The following YIF1B variants were observed in gnomAD, a reference collection of about 807,000 sequenced individuals.
YIF1B encodes Yip1 interacting factor homolog B, membrane trafficking protein.
Under a neutral mutation model 34.6 loss-of-function variants are expected in YIF1B, and 24 were observed. That is an observed-to-expected ratio of 0.69 (90% CI 0.50 to 0.98). YIF1B has a LOEUF of 0.98. Ranked by LOEUF, YIF1B falls within the 50% of genes least tolerant of loss-of-function variation. The pLI is 0.00. For synonymous variants in YIF1B, 186 were observed against 184.8 expected (o/e 1.01, Z -0.05); for missense variants, 368 against 429.4 (o/e 0.86, Z 1.26).
intron 1 of YIF1B, among the ~76,000 whole-genome samples, chr19:38,310,669 C>A (rs960189265): frequency 6.6e-5 from 10 of 152,118 alleles, no homozygotes; most frequent in Non-Finnish European, 1.5e-4. Flanking sequence ...CTCCTATGCT[C>A]CCCCTCAATG....
In YIF1B at chr19:38,304,024, C is replaced by T; in HGVS notation, c.*1328G>A. 1 of 591,952 alleles carries T rather than the reference C, an allele frequency of 1.7e-6. No homozygotes were observed. Among genetic ancestry groups the T allele is most frequent in the Non-Finnish European group, 3.0e-6 (1 of 335,510 alleles). 36.7% of individuals were successfully genotyped at this position (591,952 alleles called of 1,614,324 possible). A position where few individuals can be genotyped will look rare whatever the true frequency, so the allele number is the denominator to read the frequency against. ...TGCCATCCACAGAGCCCCCCTCAGT[C>T]GGCCTCCCCTGAGGCACCAAGGCTG... On this transcript the variant is annotated 3_prime_UTR_variant, in exon 8 of 8. Coordinates refer to ENST00000339413, the MANE Select transcript of YIF1B (RefSeq NM_001039672.3).
upstream of YIF1B, among the ~76,000 whole-genome samples, chr19:38,318,874 G>T (rs574461708): frequency 6.6e-6 from 1 of 151,506 alleles, no homozygotes; most frequent in Non-Finnish European, 1.5e-5. Context: ...AGAGACTTAC[G>T]GGGGGGCGCA....
chr19:38,307,098 A>C, intron 7 of YIF1B: 1 of 481,756 alleles, frequency 2.1e-6, no homozygotes, highest in Non-Finnish European at 4.1e-6. Context: ...TCCAGTGGGA[A>C]GGGCTCTAGA....
Position 38,304,582 on chromosome 19 carries a change from G to A in YIF1B, c.*770C>T. On this transcript the variant is annotated 3_prime_UTR_variant, in exon 8 of 8. Transcript: ENST00000339413. ...TGCCTTAGGCCTCCAACTTCAGGGG[G>A]CTGGGTAAGGGGCGCCGCCTCACTG... The A allele has an allele frequency of 1.2e-6, 2 of 1,611,574 alleles. No individual in the cohort carries two copies. The highest frequency in any genetic ancestry group is 2.2e-5 in the East Asian group (1 of 44,804).
At chr19:38,314,086 C>T (rs867851159) in intron 1 of YIF1B, among the ~76,000 whole-genome samples, 2 of 152,084 alleles carry the variant, frequency 1.3e-5, no homozygotes, top group South Asian at 2.1e-4. Flanking sequence ...AGTGCAATGG[C>T]GCAATCTTGG....
chr19:38,308,686 G>A (rs1969169170), intron 5 of YIF1B, 106 bp downstream of exon 5: 10 of 1,409,972 alleles, frequency 7.1e-6, no homozygotes, highest in Non-Finnish European at 1.0e-5. Context: ...GGAGCAAAGT[G>A]GGGCTGTCCT....
chr19:38,317,734 G>T (rs1029924333), upstream of YIF1B, among the ~76,000 whole-genome samples: 1 of 151,642 alleles, frequency 6.6e-6, no homozygotes, highest in African/African-American at 2.4e-5. Context: ...GTGTGCCATC[G>T]CACCTGGCTA....
Position 38,304,390 on chromosome 19 carries a change from C to T in YIF1B, c.*962G>A, listed in dbSNP as rs531365851. ...CTCTCCACAGCCCTGGAGCCCACCTCCCAGAAGCCCGGTGTGGGGGCGGGC... is the reference window on the plus strand; with the variant it reads ...CTCTCCACAGCCCTGGAGCCCACCTTCCAGAAGCCCGGTGTGGGGGCGGGC... On this transcript the variant is annotated 3_prime_UTR_variant, in exon 8 of 8. Transcript: ENST00000339413. 8.2e-6 allele frequency: 13 copies of T among 1,578,804 alleles called. No homozygotes were observed. The South Asian group carries it at 1.2e-4, about 14-fold the overall frequency.
At chr19:38,309,180 C>T in intron 3 of YIF1B, 44 bp downstream of exon 3, 3 of 1,607,358 alleles carry the variant, frequency 1.9e-6, no homozygotes, top group Non-Finnish European at 2.6e-6. Context: ...CCCTGAGCCC[C>T]CCACAGGCCC....
chr19:38,305,448 A>G lies in YIF1B; in HGVS notation c.849T>C (p.Arg283=), dbSNP rs750058684. The change falls in exon 8 of 8, where the codon CGT becomes CGC. Residue 283 remains arginine (R), a synonymous_variant. Transcript: ENST00000339413. ...ADAAAEGVPV[R]GARNQLRMYL... ...ACATGCGCAGCTGGTTCCGGGCCCC[A>G]CGCACCGGGACCCCCTCAGCTGCTG... 2 of 1,609,684 alleles carry G rather than the reference A, an allele frequency of 1.2e-6. No individual in the cohort carries two copies. Among genetic ancestry groups the G allele is most frequent in the African/African-American group, 2.7e-5 (2 of 74,888 alleles).
In YIF1B at chr19:38,304,646, A is replaced by C. The variant is rs755675161; in HGVS notation, c.*706T>G. ...CAGCAAGGACACCACAGCTCTTCCGACTCCAGCAGCAGCTCCAGCGATTCG... is the reference window on the plus strand; with the variant it reads ...CAGCAAGGACACCACAGCTCTTCCGCCTCCAGCAGCAGCTCCAGCGATTCG... On this transcript the variant is annotated 3_prime_UTR_variant, in exon 8 of 8. Transcript: ENST00000339413. 6.2e-7 allele frequency: 1 copy of C among 1,613,336 alleles called. No homozygotes were observed. The highest frequency in any genetic ancestry group is 8.5e-7 in the Non-Finnish European group (1 of 1,179,930).
Position 38,307,740 on chromosome 19 carries a change from G to T in YIF1B, c.552C>A (p.Asp184Glu), listed in dbSNP as rs781778945. 8 of 1,612,636 alleles carry T rather than the reference G, an allele frequency of 5.0e-6. No homozygotes were observed. Among genetic ancestry groups the T allele is most frequent in the South Asian group, 3.3e-5 (3 of 91,074 alleles). The change falls in exon 6 of 8, where the codon GAC becomes GAA. Residue 184 changes from aspartate to glutamate, a missense_variant. This residue lies in a region of YIF1B where 208 missense variants were observed against 247.8 expected (regional missense o/e 0.84). Coordinates refer to ENST00000339413, the MANE Select transcript of YIF1B (RefSeq NM_001039672.3). Reference protein sequence around the residue: ...ALGTQDRFSPDLLGLQASSAL... With the variant: ...ALGTQDRFSPELLGLQASSAL... Reference sequence around the variant, plus strand: ...CTGAGCTCGCTTGCAGCCCCAGGAGGTCTGGGGAGAACCTGCAGGCACAAA... The same window carrying T: ...CTGAGCTCGCTTGCAGCCCCAGGAGTTCTGGGGAGAACCTGCAGGCACAAA...
At chr19:38,307,847 C>A in intron 5 of YIF1B, 95 bp from the exon 6 acceptor site, 2 of 1,504,314 alleles carry the variant, frequency 1.3e-6, no homozygotes, top group Non-Finnish European at 1.8e-6. Flanking sequence ...TAGGGCTGGA[C>A]ACCTGGCAGT....
chr19:38,305,537 G>A lies in YIF1B; in HGVS notation c.790-30C>T, dbSNP rs1246202530. ...GTGGGAAAGAGAGAGAGGAACCAAG[G>A]GATTTACCCTTGAGCCCTCTGGGCC... On this transcript the variant is annotated intron_variant, in intron 7 of 7. Coordinates refer to ENST00000339413, the MANE Select transcript of YIF1B (RefSeq NM_001039672.3). 6 of 1,583,854 alleles carry A rather than the reference G, an allele frequency of 3.8e-6. 1 individual carries two copies. The East Asian group carries it at 1.1e-4, about 30-fold the overall frequency.
In YIF1B at chr19:38,309,470, A is replaced by T; in HGVS notation, c.232T>A (p.Ser78Thr). 1 of 1,613,970 alleles carries T rather than the reference A, an allele frequency of 6.2e-7. No individual in the cohort carries two copies. Among genetic ancestry groups the T allele is most frequent in the Non-Finnish European group, 8.5e-7 (1 of 1,179,980 alleles). ...CTCCCATAGGCCATGGCCATGTTGG[A>T]CACCGGGTCAGCCAGGAAGGCTGCA... Reference protein sequence around the residue: ...PHAAFLADPVSNMAMAYGSSL... With the variant: ...PHAAFLADPVTNMAMAYGSSL... Residue 78 changes from serine (S) to threonine (T), a missense_variant, in exon 2 of 8, where the codon TCC (serine) becomes ACC (threonine). By Grantham distance (58) the Ser-to-Thr change is moderately conservative. Coordinates refer to ENST00000339413, the MANE Select transcript of YIF1B (RefSeq NM_001039672.3).
Position 38,305,404 on chromosome 19 carries a change from G to A in YIF1B, c.893C>T (p.Ala298Val), listed in dbSNP as rs1445283439. ...QLRMYLTMAV[A>V]AAQPMLMYWL... The stretch of plus-strand genomic sequence containing the variant: ...GTACATGAGCATAGGCTGCGCCGCC[G>A]CCACCGCCATGGTCAGGTACATGCG... The change falls in exon 8 of 8, where the codon GCG becomes GTG. Residue 298 changes from alanine (A) to valine (V), a missense_variant. Physicochemically the swap from Ala to Val is moderately conservative, Grantham distance 64 (BLOSUM62 0). Coordinates refer to ENST00000339413, the MANE Select transcript of YIF1B (RefSeq NM_001039672.3). 1 of 1,609,344 alleles carries A rather than the reference G, an allele frequency of 6.2e-7. No homozygotes were observed. Among genetic ancestry groups the A allele is most frequent in the Admixed American group, 1.7e-5 (1 of 59,868 alleles).
In YIF1B at chr19:38,307,582, G is replaced by A. The variant is rs1300643104; in HGVS notation, c.695+15C>T. The A allele has an allele frequency of 6.2e-7, 1 of 1,613,588 alleles. No homozygotes were observed. Among genetic ancestry groups the A allele is most frequent in the Non-Finnish European group, 8.5e-7 (1 of 1,180,004 alleles). On this transcript the variant is annotated intron_variant, in intron 6 of 7. Coordinates refer to ENST00000339413, the MANE Select transcript of YIF1B (RefSeq NM_001039672.3). The stretch of plus-strand genomic sequence containing the variant: ...CCCAAGGGCTGGGGCTGGCGTGAAG[G>A]GCGGGGGTACTCACCCGACATATTT...
At chr19:38,320,013 C>T, upstream of YIF1B, 1 of 1,490,596 alleles carries the variant, frequency 6.7e-7, no homozygotes, top group South Asian at 1.3e-5. Context: ...TGGTGCTGGG[C>T]GCGCTGTTGG....
In YIF1B at chr19:38,304,310, A is replaced by C; in HGVS notation, c.*1042T>G. The stretch of plus-strand genomic sequence containing the variant: ...TGAGCTCCTGGGGAGTGTGGACTGG[A>C]GGTGCAGGGGGCCGGACTCAAGCCC... On this transcript the variant is annotated 3_prime_UTR_variant, in exon 8 of 8. Coordinates refer to ENST00000339413, the MANE Select transcript of YIF1B (RefSeq NM_001039672.3). 6.2e-7 allele frequency: 1 copy of C among 1,613,598 alleles called. No individual in the cohort carries two copies. Among genetic ancestry groups the C allele is most frequent in the Non-Finnish European group, 8.5e-7 (1 of 1,179,972 alleles).
Sources: allele counts gnomAD v4.1 joint callset (sites outside exome capture counted in the v4.1 genomes callset), GRCh38; gene constraint gnomAD v4.1.1; regional missense constraint gnomAD v4.1.1; transcripts MANE v1.5; gene names NCBI Gene and HGNC (gene_info 2026-07-23, HGNC 2026-07-21).